The following GRM5 variants were observed in gnomAD, a reference collection of about 807,000 sequenced individuals.
GRM5 encodes glutamate metabotropic receptor 5, also known as metabotropic glutamate receptor 5.
A neutral mutation model predicts 83.1 loss-of-function variants in GRM5; 19 were observed. That is an observed-to-expected ratio of 0.23 (90% CI 0.16 to 0.34). GRM5 has a LOEUF of 0.34. Ranked by LOEUF, GRM5 falls within the 10% of genes least tolerant of loss-of-function variation. The pLI is 1.00. For missense variants in GRM5, 1,160 were observed against 1,588.3 expected (o/e 0.73, Z 4.58); for synonymous variants, 675 against 633.6 (o/e 1.07, Z -0.98).
At chr11:88,882,932 G>A (rs1344582890) in intron 2 of GRM5, among the ~76,000 whole-genome samples, 1 of 152,074 alleles carries the variant, frequency 6.6e-6, no homozygotes, top group Non-Finnish European at 1.5e-5. Flanking sequence ...TTGTAAAGGG[G>A]AGTTTCCCTG....
intron 2 of GRM5, among the ~76,000 whole-genome samples, chr11:88,875,406 C>T (rs1199705483): frequency 4.6e-5 from 7 of 151,944 alleles, no homozygotes; most frequent in Non-Finnish European, 1.0e-4. Context: ...TACTCTTCTA[C>T]CACATCTGTA....
intron 1 of GRM5, among the ~76,000 whole-genome samples, chr11:89,052,108 A>G (rs1347799789): frequency 6.6e-6 from 1 of 152,212 alleles, no homozygotes; most frequent in Admixed American, 6.5e-5. Flanking sequence ...GGGGCAGAAG[A>G]AAATTAATGA....
intron 2 of GRM5, among the ~76,000 whole-genome samples, chr11:88,962,537 C>G (rs1365648312): frequency 1.3e-5 from 2 of 152,022 alleles, no homozygotes; most frequent in Non-Finnish European, 2.9e-5. Flanking sequence ...GTCACTGATT[C>G]ATTCATTTAT....
chr11:88,885,803 G>A (rs952551812), intron 2 of GRM5, among the ~76,000 whole-genome samples: 3 of 152,044 alleles, frequency 2.0e-5, no homozygotes, highest in African/African-American at 7.2e-5. Context: ...TACTAACAAA[G>A]AGCAGCCTGG....
At chr11:88,753,506 C>T (rs1277494339) in intron 3 of GRM5, among the ~76,000 whole-genome samples, 1 of 152,050 alleles carries the variant, frequency 6.6e-6, no homozygotes, top group Non-Finnish European at 1.5e-5. Context: ...TTGTGGAAGA[C>T]AGTGTGGCAA....
Position 88,509,440 on chromosome 11 carries a change from G to A in GRM5, c.2791C>T (p.Gln931Ter), listed in dbSNP as rs1251527855. 2 of 1,612,314 alleles carry A rather than the reference G, an allele frequency of 1.2e-6. No homozygotes were observed. The highest frequency in any genetic ancestry group is 1.7e-6 in the Non-Finnish European group (2 of 1,179,506). The change falls in exon 10 of 10, where the codon CAG becomes TAG. Residue 931 changes from glutamine to a stop codon, truncating the protein, a stop_gained. Transcript: ENST00000305447. LOFTEE classifies it low-confidence loss of function (END_TRUNC). ...EKSSRGQHLW[Q>*]RLSIHINKKE... ...TTGTTGATGTGGATGGACAGGCGCTGCCACAGGTGCTGCCCCCGGCTGCTC... is the reference window on the plus strand; with the variant it reads ...TTGTTGATGTGGATGGACAGGCGCTACCACAGGTGCTGCCCCCGGCTGCTC...
At chr11:89,028,304 C>T (rs1405998192) in intron 2 of GRM5, among the ~76,000 whole-genome samples, 14 of 152,146 alleles carry the variant, frequency 9.2e-5, no homozygotes, top group African/African-American at 7.2e-5. Flanking sequence ...CAAATTTTGG[C>T]AGACATGGTG....
rs1944398271 is a variant in GRM5, at chr11:88,852,109, G to T, written c.662-1954C>A. Reference sequence around the variant, plus strand: ...AGTGATTGTGATGTGAATTTATCGAGAATTTCACATCATTTATTTACTTTT... The same window carrying T: ...AGTGATTGTGATGTGAATTTATCGATAATTTCACATCATTTATTTACTTTT... On this transcript the variant is annotated intron_variant, in intron 2 of 9. Transcript: ENST00000305447. 3.3e-5 allele frequency among the ~76,000 whole-genome samples: 5 copies of T among 152,124 alleles called. No homozygotes were observed. In the South Asian group the frequency reaches 1.0e-3, roughly 31 times the overall value.
At chr11:88,698,122 G>T (rs1018762556) in intron 3 of GRM5, among the ~76,000 whole-genome samples, 3 of 152,060 alleles carry the variant, frequency 2.0e-5, no homozygotes, top group Admixed American at 1.3e-4. Flanking sequence ...GGGTAGCTAG[G>T]GAAACTTTTA....
At position 88,504,743 on chromosome 11, in the gene GRM5, T is replaced by C. The variant is rs1376661223; in HGVS notation, c.*3849A>G. On this transcript the variant is annotated 3_prime_UTR_variant, in exon 10 of 10. Transcript: ENST00000305447. ...CAATGCTGATAAAAATGTTAAACTT[T>C]ATGAAAAAAAATCATTTGCAGTTCA... The C allele has an allele frequency of 6.6e-6, 1 of 152,098 alleles. No homozygotes were observed. The highest frequency in any genetic ancestry group is 2.4e-5 in the African/African-American group (1 of 41,456). The allele number at this position is 152,098 out of a possible 1,614,324, so 9.4% of individuals were successfully genotyped here.
intron 2 of GRM5, among the ~76,000 whole-genome samples, chr11:88,972,023 C>A (rs773887526): frequency 6.6e-6 from 1 of 152,146 alleles, no homozygotes; most frequent in Non-Finnish European, 1.5e-5. Flanking sequence ...ATAATTGACA[C>A]GGCAGGAGCA....
chr11:89,010,913 A>C (rs530163445), intron 2 of GRM5, among the ~76,000 whole-genome samples: 1 of 152,326 alleles, frequency 6.6e-6, no homozygotes, highest in South Asian at 2.1e-4. Flanking sequence ...GAGAAGCCTT[A>C]GTGGTCTGAG....
intron 2 of GRM5, among the ~76,000 whole-genome samples, chr11:88,995,544 CAAAAAAAAAAAA>C (rs1022656205): frequency 5.9e-5 from 1 of 16,898 alleles, no homozygotes; most frequent in Non-Finnish European, 1.8e-4. Flanking sequence ...GACTCCATCT[CAAAAAAAAAAAA>C]AAAAAAAAAA....
chr11:88,999,680 C>T (rs79967181), intron 2 of GRM5, among the ~76,000 whole-genome samples: 8,265 of 151,406 alleles, frequency 0.055, 584 homozygotes, highest in African/African-American at 0.16. Flanking sequence ...GTCAGTGTGG[C>T]GACTCCTCAG....
chr11:88,938,029 A>G (rs1385917117), intron 2 of GRM5, among the ~76,000 whole-genome samples: 4 of 151,776 alleles, frequency 2.6e-5, no homozygotes, highest in African/African-American at 2.4e-5. Flanking sequence ...GAAAATTGCT[A>G]TAAGATTAGA....
intron 2 of GRM5, among the ~76,000 whole-genome samples, chr11:88,887,402 A>T (rs897962044): frequency 3.0e-4 from 45 of 152,040 alleles, no homozygotes; most frequent in African/African-American, 1.1e-3. Flanking sequence ...CCCAACTATT[A>T]TGTAGTTTTT....
chr11:88,898,846 T>C (rs188123491), intron 2 of GRM5, among the ~76,000 whole-genome samples: 39 of 152,142 alleles, frequency 2.6e-4, no homozygotes, highest in Non-Finnish European at 1.9e-4. Context: ...AATTTTTAGA[T>C]TGATACCTAA....
intron 9 of GRM5, among the ~76,000 whole-genome samples, chr11:88,511,166 C>T (rs972365064): frequency 1.3e-5 from 2 of 152,164 alleles, no homozygotes; most frequent in African/African-American, 4.8e-5. Flanking sequence ...CACTTTGTTT[C>T]TCAGATTCTT....
chr11:88,793,418 T>C (rs1943214594), intron 3 of GRM5, among the ~76,000 whole-genome samples: 1 of 152,162 alleles, frequency 6.6e-6, no homozygotes, highest in Admixed American at 6.5e-5. Flanking sequence ...TTTCTGGACC[T>C]CAGGTTTAAA....
Sources: gnomAD v4.1 joint callset for allele counts (sites outside exome capture counted in the v4.1 genomes callset) on GRCh38, gnomAD v4.1.1 for gene constraint, MANE v1.5 for transcripts, NCBI Gene and HGNC (gene_info 2026-07-23, HGNC 2026-07-21) for gene names.